A2ML1: variants seen among roughly 807,000 people sequenced by gnomAD.
A2ML1 encodes the protein alpha-2-macroglobulin like 1, also known as alpha-2-macroglobulin-like protein 1.
In A2ML1, 161 loss-of-function variants were observed where a neutral mutation model predicts 181.9. The ratio of observed to expected loss-of-function variants is 0.89; its 90% CI spans 0.78 to 1.01. The LOEUF is 1.01. Among genes scored for constraint, A2ML1 ranks in the 50% least tolerant of loss-of-function variants. The pLI, the probability that A2ML1 is intolerant of heterozygous loss-of-function variation, is 0.00. For missense variants in A2ML1, 1,670 were observed against 1,768.1 expected (o/e 0.94, Z 1.00); for synonymous variants, 663 against 666.8 (o/e 0.99, Z 0.09).
intron 4 of A2ML1, among the ~76,000 whole-genome samples, chr12:8,832,416 C>T (rs939487091): frequency 2.6e-5 from 4 of 152,128 alleles, no homozygotes; most frequent in Non-Finnish European, 5.9e-5. Context: ...GACTGGTCCC[C>T]GGGCAAGAAG....
chr12:8,840,880 C>T (rs764342224), intron 10 of A2ML1, among the ~76,000 whole-genome samples: 198 of 150,092 alleles, frequency 1.3e-3, no homozygotes, highest in Non-Finnish European at 2.3e-3. Context: ...GCACTCCAGC[C>T]TGGGCGACAG....
downstream of A2ML1, among the ~76,000 whole-genome samples, chr12:8,877,759 T>G (rs1436897005): frequency 6.6e-6 from 1 of 152,198 alleles, no homozygotes; most frequent in Non-Finnish European, 1.5e-5. Flanking sequence ...GTTCAGCCAC[T>G]GTGGAAAGCA....
intron 26 of A2ML1, 61 bp from the exon 27 acceptor site, chr12:8,860,820 C>T: frequency 7.0e-7 from 1 of 1,423,490 alleles, no homozygotes; most frequent in Non-Finnish European, 9.9e-7. Flanking sequence ...TTGCAATCTG[C>T]ACATAATTCT....
intron 1 of A2ML1, 53 bp from the exon 2 acceptor site, chr12:8,823,129 T>G (rs1942798596): frequency 6.4e-7 from 1 of 1,569,188 alleles, no homozygotes; most frequent in African/African-American, 1.4e-5. Context: ...AGTGCTGGAT[T>G]TTTCGAGTGA....
At chr12:8,841,709 T>C (rs1943486839) in intron 11 of A2ML1, among the ~76,000 whole-genome samples, 173 bp downstream of exon 11, 1 of 152,166 alleles carries the variant, frequency 6.6e-6, no homozygotes. Context: ...GTTTTTAATA[T>C]CAATCAAATA....
rs200251270 is a variant in A2ML1 at position 8,848,885 on chromosome 12, G to C, written c.1999G>C (p.Glu667Gln). The change falls in exon 16 of 36, where the codon GAA (glutamate) becomes CAA (glutamine). Residue 667 changes from glutamate to glutamine, a missense_variant. Coordinates refer to ENST00000299698, the MANE Select transcript of A2ML1 (RefSeq NM_144670.6). Reference sequence around the variant, plus strand: ...CATTATCTGGAGGCCCTCGTTCTCTGAAGGCACGGACCTTTTCAGCTTTTT... The same window carrying C: ...CATTATCTGGAGGCCCTCGTTCTCTCAAGGCACGGACCTTTTCAGCTTTTT... ...RSIIWRPSFS[E>Q]GTDLFSFFRD... 28 of 1,613,726 alleles carry C rather than the reference G, an allele frequency of 1.7e-5. No homozygotes were observed. The Middle Eastern group carries it at 5.0e-4, about 29-fold the overall frequency.
chr12:8,847,780 G>A, intron 15 of A2ML1, 82 bp downstream of exon 15: 3 of 1,515,576 alleles, frequency 2.0e-6, no homozygotes, highest in Non-Finnish European at 2.7e-6. Context: ...GCAGGGGAGA[G>A]AAAGTCTTAG....
chr12:8,824,841 T>C (rs1357618186), intron 3 of A2ML1, among the ~76,000 whole-genome samples: 1 of 152,210 alleles, frequency 6.6e-6, no homozygotes, highest in African/African-American at 2.4e-5. Context: ...ACATGGAAAG[T>C]TTGTCTTTCT....
intron 29 of A2ML1, among the ~76,000 whole-genome samples, chr12:8,866,113 C>G (rs978026111): frequency 6.6e-6 from 1 of 151,552 alleles, no homozygotes; most frequent in Non-Finnish European, 1.5e-5. Flanking sequence ...GTCAGGAGAT[C>G]GAGACCACGG....
At chr12:8,824,235 T>G (rs988897427) in intron 3 of A2ML1, among the ~76,000 whole-genome samples, 5 of 148,426 alleles carry the variant, frequency 3.4e-5, no homozygotes, top group South Asian at 2.2e-4. Flanking sequence ...TTTTTTTTTT[T>G]TTTTTTTTTT....
rs1453227387 is a variant in A2ML1, at chr12:8,835,657, G to T, written c.634G>T (p.Glu212Ter). Residue 212 changes from glutamate (E) to a stop codon, truncating the protein, a stop_gained, in exon 6 of 36, where the codon GAG becomes TAG. Transcript: ENST00000299698. LOFTEE classifies it high-confidence loss of function. ...CAAGACCTTTGGTACTTTCAGTGTG[G>T]AGGAATATGGTAGGTGGGGAAATGG... is the stretch of plus-strand genomic sequence containing the variant. Reference protein sequence around the residue: ...EGKTFGTFSVEEYVLPKFKVE... With the variant: ...EGKTFGTFSV The T allele has an allele frequency of 1.9e-6, 3 of 1,614,020 alleles. No individual in the cohort carries two copies. The highest frequency in any genetic ancestry group is 2.5e-6 in the Non-Finnish European group (3 of 1,180,018).
chr12:8,840,978 A>G (rs373274317), intron 10 of A2ML1, among the ~76,000 whole-genome samples: 5,485 of 124,898 alleles, frequency 0.044, 198 homozygotes, highest in African/African-American at 0.081. Flanking sequence ...AAGGAAGGAA[A>G]GAAGGAAGGA....
chr12:8,838,371 C>A lies in A2ML1; in HGVS notation c.891C>A (p.Asp297Glu). The stretch of plus-strand genomic sequence containing the variant: ...CAGGATGTTTCTCAGCACCTGTGGA[C>A]ATGGCCACCTTTGACCTCATTGGAT... ...DKTGCFSAPV[D>E]MATFDLIGYA... The change falls in exon 9 of 36, where the codon GAC becomes GAA. Residue 297 changes from aspartate (D) to glutamate (E), a missense_variant. Physicochemically the swap from Asp to Glu is conservative, Grantham distance 45. Transcript: ENST00000299698. 9 of 1,613,824 alleles carry A rather than the reference C, an allele frequency of 5.6e-6. No individual in the cohort carries two copies. The highest frequency in any genetic ancestry group is 5.1e-6 in the Non-Finnish European group (6 of 1,179,842).
At chr12:8,870,374 T>A (rs1230710551) in intron 33 of A2ML1, among the ~76,000 whole-genome samples, 1 of 150,966 alleles carries the variant, frequency 6.6e-6, no homozygotes, top group African/African-American at 2.5e-5. Context: ...TTCATGCCAT[T>A]CTCCTGCCTC....
chr12:8,851,407 T>A (rs773785288), intron 18 of A2ML1, among the ~76,000 whole-genome samples: 61 of 152,044 alleles, frequency 4.0e-4, no homozygotes, highest in Admixed American at 1.6e-3. Flanking sequence ...GCAGATGAAT[T>A]TGTAGCTTTT....
In A2ML1 at chr12:8,854,195, G is replaced by T; in HGVS notation, c.2658G>T (p.Gly886=). 3 of 1,609,938 alleles carry T rather than the reference G, an allele frequency of 1.9e-6. No homozygotes were observed. The highest frequency in any genetic ancestry group is 1.3e-5 in the African/African-American group (1 of 74,982). The change falls in exon 21 of 36, where the codon GGG becomes GGT. Residue 886 remains glycine, a synonymous_variant. Coordinates refer to ENST00000299698, the MANE Select transcript of A2ML1 (RefSeq NM_144670.6). ...ATGAACCATGTGGGGGCCAGAAGGG[G>T]TTTGTTCCCCAAAAGGGCCGAAGTG... ...DSNEPCGGQK[G]FVPQKGRSDT... is the part of the protein sequence containing the mutation.
chr12:8,841,571 G>C (rs1369820393), intron 11 of A2ML1, 35 bp downstream of exon 11: 18 of 1,580,522 alleles, frequency 1.1e-5, no homozygotes, highest in South Asian at 3.5e-5. Context: ...TCCTAGAAAG[G>C]AAGGCTTCCC....
downstream of A2ML1, among the ~76,000 whole-genome samples, chr12:8,878,090 G>A (rs1240454866): frequency 6.6e-6 from 1 of 150,890 alleles, no homozygotes; most frequent in Non-Finnish European, 1.5e-5. This position sits in a 1 kb window ranked among gnomAD's most constrained non-coding sequence, Gnocchi z 4.4. Context: ...ATCACCTGAG[G>A]TCAGGACTTC....
intron 26 of A2ML1, among the ~76,000 whole-genome samples, chr12:8,858,630 T>C (rs1316580049): frequency 6.6e-6 from 1 of 152,032 alleles, no homozygotes; most frequent in Non-Finnish European, 1.5e-5. Context: ...TCTCAAAGCA[T>C]AGTTCCCAGA....
Sources: allele counts gnomAD v4.1 joint callset (sites outside exome capture counted in the v4.1 genomes callset), GRCh38; gene constraint gnomAD v4.1.1; non-coding constraint Gnocchi (gnomAD v3.1); transcripts MANE v1.5; gene names NCBI Gene and HGNC (gene_info 2026-07-23, HGNC 2026-07-21).